The following BCAS3 variants were observed in gnomAD, a reference collection of about 807,000 sequenced individuals.
BCAS3 encodes the protein BCAS4/BCAS3 fusion.
In BCAS3, 53 loss-of-function variants were observed where a neutral mutation model predicts 116.1. That is an observed-to-expected ratio of 0.46 (90% confidence interval 0.37 to 0.57). The LOEUF is 0.57. BCAS3 is among the 20% of genes least tolerant of loss of function. The pLI is 0.00. For synonymous variants in BCAS3, 391 were observed against 408.2 expected (o/e 0.96, Z 0.51); for missense variants, 917 against 1,165.4 (o/e 0.79, Z 3.10).
At chr17:60,785,375 T>C (rs112033848) in intron 6 of BCAS3, among the ~76,000 whole-genome samples, 2,066 of 152,136 alleles carry the variant, frequency 0.014, 52 homozygotes, top group African/African-American at 0.048. Flanking sequence ...GTCAGGCTGG[T>C]CTCTAACCCC....
In BCAS3 at chr17:61,331,484, A is replaced by C. The variant is rs114755916; in HGVS notation, c.2426-36843A>C. Among the ~76,000 whole-genome samples, 449 of 152,208 alleles carry C rather than the reference A, an allele frequency of 2.9e-3. 3 individuals carry two copies. Among genetic ancestry groups the C allele is most frequent in the African/African-American group, 0.01 (434 of 41,524 alleles). On this transcript the variant is annotated intron_variant, in intron 22 of 23. Transcript: ENST00000407086. ...CAGGTTCAAGCCCAGAACTAGTTCAAAACTTTAGCCTCAAGGAAAAGGTCC... is the reference window on the plus strand; with the variant it reads ...CAGGTTCAAGCCCAGAACTAGTTCACAACTTTAGCCTCAAGGAAAAGGTCC...
Position 60,875,042 on chromosome 17 carries a change from T to C in BCAS3, c.661+304T>C, listed in dbSNP as rs1034328549. 3.9e-5 allele frequency among the ~76,000 whole-genome samples: 6 copies of C among 152,168 alleles called. No homozygotes were observed. The South Asian group carries it at 6.2e-4, about 16-fold the overall frequency. ...TAGCTGTTTCATACTTTCAAAGCAG[T>C]TGTTAAATTGCTTAACATACCGTAC... is the stretch of plus-strand genomic sequence containing the variant. On this transcript the variant is annotated intron_variant, in intron 9 of 23. Coordinates refer to ENST00000407086, the MANE Select transcript of BCAS3 (RefSeq NM_017679.5).
chr17:60,701,605 A>G (rs998475536), intron 4 of BCAS3, among the ~76,000 whole-genome samples: 1 of 152,148 alleles, frequency 6.6e-6, no homozygotes, highest in Non-Finnish European at 1.5e-5. Flanking sequence ...TAAGAAAAAG[A>G]TATGTCATGA....
Position 61,392,252 on chromosome 17 carries a change from A to G in BCAS3, c.*127A>G, listed in dbSNP as rs896932483. On this transcript the variant is annotated 3_prime_UTR_variant, in exon 24 of 24. Transcript: ENST00000407086. This position sits in a 1 kb window ranked among gnomAD's most constrained non-coding sequence, Gnocchi z 6.4. ...AACCACCTTCCCCAAGCTTAGTGAC[A>G]GCAGCCGCCCATCCTACCTGGATGG... 49 of 1,173,176 alleles carry G rather than the reference A, an allele frequency of 4.2e-5. No homozygotes were observed. The highest frequency in any genetic ancestry group is 5.7e-5 in the Non-Finnish European group (48 of 845,100). 72.7% of individuals were successfully genotyped at this position (1,173,176 alleles called of 1,614,324 possible).
At chr17:61,038,201 G>T in intron 18 of BCAS3, 147 bp downstream of exon 18, 3 of 652,420 alleles carry the variant, frequency 4.6e-6, no homozygotes, top group South Asian at 2.5e-5. Flanking sequence ...ACTCTCAAAT[G>T]TTTCTTGGTG....
intron 22 of BCAS3, among the ~76,000 whole-genome samples, chr17:61,116,672 G>C (rs1317530177): frequency 1.3e-5 from 2 of 152,066 alleles, no homozygotes; most frequent in Non-Finnish European, 2.9e-5. Flanking sequence ...TTTAGAGTAA[G>C]TCCACTGGCA....
intron 21 of BCAS3, among the ~76,000 whole-genome samples, chr17:61,080,471 G>C (rs556913916): frequency 3.3e-5 from 5 of 151,986 alleles, no homozygotes; most frequent in Non-Finnish European, 4.4e-5. Context: ...TCAGCCAGGC[G>C]TGGTGGCTCA....
rs758222578 is a variant in BCAS3, at chr17:61,034,672, T to A, written c.1644T>A (p.Val548=). Residue 548 remains valine (V), a synonymous_variant, in exon 17 of 24, where the codon GTT becomes GTA. Coordinates refer to ENST00000407086, the MANE Select transcript of BCAS3 (RefSeq NM_017679.5). This position sits in a 1 kb window ranked among gnomAD's most constrained non-coding sequence, Gnocchi z 5.0. ...LGTITKRTGK[V]KPPPQISPSK... ...TCTTATTTTATTTTTTAAGCAAAGT[T>A]AAACCTCCTCCACAAATTTCACCCA... The A allele has an allele frequency of 6.2e-7, 1 of 1,606,130 alleles. No homozygotes were observed. Among genetic ancestry groups the A allele is most frequent in the Non-Finnish European group, 8.5e-7 (1 of 1,175,076 alleles).
intron 5 of BCAS3, among the ~76,000 whole-genome samples, chr17:60,746,815 C>G (rs2042048113): frequency 6.6e-6 from 1 of 152,078 alleles, no homozygotes; most frequent in African/African-American, 2.4e-5. Context: ...TTCTCATTTA[C>G]AACATATTTG....
At chr17:61,074,337 G>C (rs913892033) in intron 19 of BCAS3, among the ~76,000 whole-genome samples, 1 of 152,028 alleles carries the variant, frequency 6.6e-6, no homozygotes, top group African/African-American at 2.4e-5. Flanking sequence ...GATAATATCT[G>C]GTTCATATTA....
intron 14 of BCAS3, among the ~76,000 whole-genome samples, chr17:60,963,569 T>C (rs940494141): frequency 6.6e-6 from 1 of 151,270 alleles, no homozygotes; most frequent in Admixed American, 6.6e-5. Context: ...TTTTTTTTTT[T>C]TTTTGAGATG....
At position 61,095,200 on chromosome 17, in the gene BCAS3, T is replaced by C. The variant is rs77182887; in HGVS notation, c.2425+10636T>C. On this transcript the variant is annotated intron_variant, in intron 22 of 23. Coordinates refer to ENST00000407086, the MANE Select transcript of BCAS3 (RefSeq NM_017679.5). This position sits in a 1 kb window ranked among gnomAD's most constrained non-coding sequence, Gnocchi z 4.7. ...TTAGACCAACTTTTCTTCGTGTACG[T>C]CAACCAAAACAGCATATCAGAACAG... 0.041 allele frequency among the ~76,000 whole-genome samples: 6,264 copies of C among 152,250 alleles called. 458 individuals are homozygous for C. Among genetic ancestry groups the C allele is most frequent in the African/African-American group, 0.14 (5,893 of 41,528 alleles).
At position 61,286,326 on chromosome 17, in the gene BCAS3, G is replaced by A. The variant is rs558138045; in HGVS notation, c.2426-82001G>A. On this transcript the variant is annotated intron_variant, in intron 22 of 23. Transcript: ENST00000407086. This position sits in a 1 kb window ranked among gnomAD's most constrained non-coding sequence, Gnocchi z 4.8. ...CTGCATTTGAAAGTTATCGTGAGCA[G>A]ATGAAGCAGAGGTTGCTGGGTTTAT... Among the ~76,000 whole-genome samples the A allele has an allele frequency of 7.9e-5, 12 of 152,328 alleles. No individual in the cohort carries two copies. The highest frequency in any genetic ancestry group is 6.8e-3 in the Middle Eastern group (2 of 294).
intron 6 of BCAS3, among the ~76,000 whole-genome samples, chr17:60,799,735 T>TTTTTTTTTTTTA (rs1429156594): frequency 2.0e-5 from 2 of 100,498 alleles, no homozygotes; most frequent in African/African-American, 7.0e-5. Flanking sequence ...TTTTTTTTTT[T>TTTTTTTTTTTTA]AGTAGAACTG....
intron 22 of BCAS3, among the ~76,000 whole-genome samples, chr17:61,262,562 G>A (rs1373283328): frequency 6.6e-6 from 1 of 152,062 alleles, no homozygotes; most frequent in African/African-American, 2.4e-5. Context: ...TGTATTGTTA[G>A]TAGAGGTGAG....
intron 7 of BCAS3, among the ~76,000 whole-genome samples, chr17:60,831,769 A>C (rs2050960235): frequency 6.6e-6 from 1 of 151,632 alleles, no homozygotes; most frequent in Non-Finnish European, 1.5e-5. Flanking sequence ...AAGCCCTCAA[A>C]TATGTGGTAT....
intron 15 of BCAS3, among the ~76,000 whole-genome samples, chr17:61,006,605 G>A (rs1364830591): frequency 6.6e-6 from 1 of 151,942 alleles, no homozygotes; most frequent in Middle Eastern, 3.2e-3. Flanking sequence ...TATACTTTGG[G>A]GAGCACATTT....
In BCAS3 at chr17:61,225,681, T is replaced by A. The variant is rs138030671; in HGVS notation, c.2425+141117T>A. Among the ~76,000 whole-genome samples the A allele has an allele frequency of 3.1e-3, 469 of 152,242 alleles. 3 individuals are homozygous for A. Among genetic ancestry groups the A allele is most frequent in the African/African-American group, 0.011 (443 of 41,544 alleles). ...CTTAAAGCGTCTAATTGAAACCAGA[T>A]CCTTAAATCTCTTGGAATCAAGAAG... On this transcript the variant is annotated intron_variant, in intron 22 of 23. Transcript: ENST00000407086.
Position 61,140,915 on chromosome 17 carries a change from C to G in BCAS3, c.2425+56351C>G, listed in dbSNP as rs2076882497. Among the ~76,000 whole-genome samples, 3 of 151,946 alleles carry G rather than the reference C, an allele frequency of 2.0e-5. No homozygotes were observed. The highest frequency in any genetic ancestry group is 7.2e-5 in the African/African-American group (3 of 41,388). ...AAATGTTAAGTAAGGAAAAAGCATG[C>G]CTCCCTGTGCTCTTTGTCCATTTGA... On this transcript the variant is annotated intron_variant, in intron 22 of 23. Coordinates refer to ENST00000407086, the MANE Select transcript of BCAS3 (RefSeq NM_017679.5). This position sits in a 1 kb window ranked among gnomAD's most constrained non-coding sequence, Gnocchi z 4.2.
Sources: allele counts gnomAD v4.1 joint callset (sites outside exome capture counted in the v4.1 genomes callset), GRCh38; gene constraint gnomAD v4.1.1; non-coding constraint Gnocchi (gnomAD v3.1); transcripts MANE v1.5; gene names NCBI Gene and HGNC (gene_info 2026-07-23, HGNC 2026-07-21).